ZBBX: variants seen among roughly 807,000 people sequenced by gnomAD.
ZBBX encodes the protein zinc finger B-box domain-containing protein 1.
ZBBX carries 101 observed loss-of-function variants against 108.5 expected under a neutral mutation model. That is an observed-to-expected ratio of 0.93 (90% CI 0.79 to 1.10). ZBBX has a LOEUF of 1.10. ZBBX is among the 50% of genes least tolerant of loss of function. ZBBX has a pLI of 0.00. For missense variants in ZBBX, 1,009 were observed against 941.4 expected, an observed-to-expected ratio of 1.07 and a Z score of -0.94; for synonymous variants, 356 against 323.4, an observed-to-expected ratio of 1.10 and a Z score of -1.08.
chr3:167,300,969 T>C (rs929872704), intron 17 of ZBBX, among the ~76,000 whole-genome samples: 1 of 151,144 alleles, frequency 6.6e-6, no homozygotes, highest in African/African-American at 2.4e-5. Flanking sequence ...GCAGGTCTGT[T>C]ACATAGGTAA....
intron 19 of ZBBX, among the ~76,000 whole-genome samples, chr3:167,284,080 T>G (rs903109645): frequency 1.3e-4 from 20 of 151,918 alleles, no homozygotes; most frequent in Admixed American, 5.9e-4. Flanking sequence ...TAATTTTAAT[T>G]GAAATAAAAT....
Position 167,403,187 on chromosome 3 carries a change from C to T in ZBBX, c.-446+4539G>A, listed in dbSNP as rs367981395. Among the ~76,000 whole-genome samples the T allele has an allele frequency of 1.2e-4, 18 of 152,112 alleles. No homozygotes were observed. The East Asian group carries it at 2.3e-3, about 20-fold the overall frequency. ...TCCAAAGGGAAAGAAAAAATTCTAA[C>T]GGGTACCACAGTAAAGAATGCATCA... is the stretch of plus-strand genomic sequence containing the variant. On this transcript the variant is annotated intron_variant, in intron 1 of 21. Transcript: ENST00000455345.
chr3:167,322,193 T>C lies in ZBBX; in HGVS notation c.907A>G (p.Arg303Gly). The change falls in exon 12 of 22, where the codon AGA becomes GGA. Residue 303 changes from arginine (R) to glycine (G), a missense_variant. Arg to Gly is a moderately radical substitution (Grantham distance 125). Transcript: ENST00000675490. ...CEVQTNLKIW[R>G]EPLNIELKED... The stretch of plus-strand genomic sequence containing the variant: ...TTAAGTTCAATATTAAGTGGTTCTC[T>C]CCAAATTTTCAGATTAGTCTGTACT... 6.8e-7 allele frequency: 1 copy of C among 1,479,362 alleles called. No homozygotes were observed. Among genetic ancestry groups the C allele is most frequent in the South Asian group, 1.5e-5 (1 of 65,646 alleles). 91.6% of individuals were successfully genotyped at this position (1,479,362 alleles called of 1,614,324 possible). A position where few individuals can be genotyped will look rare whatever the true frequency, so the allele number is the denominator to read the frequency against.
At chr3:167,254,301 T>C (rs77974557) in intron 20 of ZBBX, among the ~76,000 whole-genome samples, 7,649 of 152,230 alleles carry the variant, frequency 0.05, 527 homozygotes, top group African/African-American at 0.15. Flanking sequence ...CGTGTGTGTA[T>C]GCAAATAGGA....
rs142346682 is a variant in ZBBX, at chr3:167,402,938, T to C, written c.-446+4788A>G. 2.6e-5 allele frequency among the ~76,000 whole-genome samples: 4 copies of C among 152,170 alleles called. No homozygotes were observed. The East Asian group carries it at 7.8e-4, about 30-fold the overall frequency. On this transcript the variant is annotated intron_variant, in intron 1 of 21. Transcript: ENST00000455345. ...AATACATAACAAACTGTTAAAGACA[T>C]AACAAACTGTTAAATCAAGCAGTCA... is the stretch of plus-strand genomic sequence containing the variant.
rs781427075 is a variant in ZBBX at position 167,365,981 on chromosome 3, A to AAT, written c.183-7_183-6dup. 6.3e-7 allele frequency: 1 copy of AAT among 1,589,754 alleles called. No individual in the cohort carries two copies. The highest frequency in any genetic ancestry group is 1.1e-5 in the South Asian group (1 of 89,478). On this transcript the variant is annotated splice_region_variant and splice_polypyrimidine_tract_variant and intron_variant, in intron 5 of 21. Transcript: ENST00000675490. ...TTCCAGTAATACTCGCTTGACCTTT[A>AAT]ATATATATAAACAAGATAAAATGTA...
chr3:167,390,580 G>A (rs567075283), intron 1 of ZBBX, among the ~76,000 whole-genome samples: 45 of 151,950 alleles, frequency 3.0e-4, no homozygotes, highest in African/African-American at 1.1e-3. Context: ...ATTAATTTGG[G>A]CAGTATGGCC....
chr3:167,179,406 C>T, the ZBBX span, among the ~76,000 whole-genome samples: 1 of 152,206 alleles, frequency 6.6e-6, no homozygotes, highest in Non-Finnish European at 1.5e-5. Context: ...TTAGATATTG[C>T]AGTAGCAACT....
chr3:167,267,397 T>C (rs1055238222), intron 20 of ZBBX, among the ~76,000 whole-genome samples: 4 of 152,058 alleles, frequency 2.6e-5, no homozygotes, highest in African/African-American at 9.7e-5. Flanking sequence ...ATTTCTAATA[T>C]GAGAAATTGA....
At position 167,366,804 on chromosome 3, in the gene ZBBX, C is replaced by T. The variant is rs569525817; in HGVS notation, c.183-828G>A. ...CTATCAGGGCTGATTCCAGCAACTC[C>T]GATTCTCAGATGAGTATCATGATCC... On this transcript the variant is annotated intron_variant, in intron 5 of 21. Transcript: ENST00000675490. 53 of 455,322 alleles carry T rather than the reference C, an allele frequency of 1.2e-4. 1 individual carries two copies. Among genetic ancestry groups the T allele is most frequent in the African/African-American group, 8.0e-4 (40 of 50,086 alleles). 28.2% of individuals were successfully genotyped at this position (455,322 alleles called of 1,614,324 possible). A position where few individuals can be genotyped will look rare whatever the true frequency, so the allele number is the denominator to read the frequency against.
At chr3:167,291,086 G>A (rs1413092999) in intron 18 of ZBBX, among the ~76,000 whole-genome samples, 1 of 152,122 alleles carries the variant, frequency 6.6e-6, no homozygotes, top group East Asian at 1.9e-4. Context: ...TTTTATTGGT[G>A]TACCTCAAAG....
chr3:167,352,879 C>A (rs1466050065), intron 8 of ZBBX, among the ~76,000 whole-genome samples: 1 of 152,010 alleles, frequency 6.6e-6, no homozygotes, highest in Non-Finnish European at 1.5e-5. Context: ...AAAACTATAT[C>A]ATATCTCATT....
intron 1 of ZBBX, among the ~76,000 whole-genome samples, chr3:167,393,224 T>TC (rs1748131931): frequency 6.6e-6 from 1 of 151,692 alleles, no homozygotes; most frequent in Non-Finnish European, 1.5e-5. Context: ...AGTGACATAG[T>TC]CCCCCTGCCA....
chr3:167,265,590 G>C (rs1725318249), intron 20 of ZBBX, among the ~76,000 whole-genome samples: 1 of 152,186 alleles, frequency 6.6e-6, no homozygotes, highest in Non-Finnish European at 1.5e-5. Context: ...GTGCCAGGTG[G>C]TGTCTCTCTA....
Position 167,242,615 on chromosome 3 carries a change from G to T in ZBBX, c.2283C>A (p.Thr761=). 6.2e-7 allele frequency: 1 copy of T among 1,612,330 alleles called. No individual in the cohort carries two copies. Among genetic ancestry groups the T allele is most frequent in the African/African-American group, 1.3e-5 (1 of 74,912 alleles). ...ADTSEKLYSL[T]SEEFPDFSSQ... ...TGCTGAAATCTGGGAACTCTTCTGAGGTTAAGCTGTAAAGCTTTTCTGAAG... is the reference window on the plus strand; with the variant it reads ...TGCTGAAATCTGGGAACTCTTCTGATGTTAAGCTGTAAAGCTTTTCTGAAG... Residue 761 remains threonine (T), a synonymous_variant, in exon 21 of 22, where the codon ACC becomes ACA. Transcript: ENST00000675490.
downstream of ZBBX, among the ~76,000 whole-genome samples, chr3:167,239,445 T>TC (rs753658654): frequency 8.6e-5 from 13 of 152,030 alleles, no homozygotes; most frequent in Non-Finnish European, 1.9e-4. Flanking sequence ...TCCTTTTTTT[T>TC]CTCGCCCTTC....
chr3:167,264,657 A>G (rs964420468), intron 20 of ZBBX, among the ~76,000 whole-genome samples: 3 of 152,184 alleles, frequency 2.0e-5, no homozygotes. Context: ...TTTACACACC[A>G]CCATTACAGT....
At chr3:167,192,603 AT>A in the ZBBX span, among the ~76,000 whole-genome samples, 1 of 152,066 alleles carries the variant, frequency 6.6e-6, no homozygotes, top group Non-Finnish European at 1.5e-5. Context: ...AACACCAATA[AT>A]TCTTAGATTT....
intron 8 of ZBBX, among the ~76,000 whole-genome samples, chr3:167,354,653 T>G (rs989073071): frequency 1.3e-5 from 2 of 151,892 alleles, no homozygotes; most frequent in African/African-American, 2.4e-5. Flanking sequence ...AAATACATGG[T>G]TATATCATTA....
Sources: gnomAD v4.1 joint callset for allele counts (sites outside exome capture counted in the v4.1 genomes callset) on GRCh38, gnomAD v4.1.1 for gene constraint, MANE v1.5 for transcripts, NCBI Gene and HGNC (gene_info 2026-07-23, HGNC 2026-07-21) for gene names.